The following PTDSS2 variants were observed in gnomAD, a reference collection of about 807,000 sequenced individuals.
The protein encoded by PTDSS2 is phosphatidylserine synthase 2.
A neutral mutation model predicts 64.7 loss-of-function variants in PTDSS2; 41 were observed. That is an observed-to-expected ratio of 0.63 (90% CI 0.49 to 0.82). The LOEUF (loss-of-function observed/expected upper bound fraction) is 0.82. Among genes scored for constraint, PTDSS2 ranks in the 40% least tolerant of loss-of-function variants. The pLI is 0.00. For synonymous variants in PTDSS2, 297 were observed against 277.8 expected (o/e 1.07, Z -0.69); for missense variants, 485 against 650.0 (o/e 0.75, Z 2.76).
intron 4 of PTDSS2, among the ~76,000 whole-genome samples, chr11:484,193 T>G (rs1218573079): frequency 2.0e-5 from 3 of 152,214 alleles, no homozygotes; most frequent in African/African-American, 7.2e-5. Flanking sequence ...CAAATTCTTT[T>G]GCCAAAAGGA....
chr11:468,087 C>T (rs1483736593), intron 2 of PTDSS2, among the ~76,000 whole-genome samples: 2 of 152,098 alleles, frequency 1.3e-5, no homozygotes, highest in African/African-American at 2.4e-5. Context: ...TGTGATTGAG[C>T]CACTGCACTG....
intron 1 of PTDSS2, among the ~76,000 whole-genome samples, chr11:458,480 T>C (rs544486268): frequency 1.1e-4 from 17 of 150,648 alleles, no homozygotes; most frequent in South Asian, 8.4e-4. Flanking sequence ...GCTGGGATTA[T>C]AGGCGTGAGC....
rs909893478 is a variant in PTDSS2 at position 479,569 on chromosome 11, G to A, written c.435+417G>A. ...GGACTGGGCGTGAAGGGAGCCGCAA[G>A]TCAGGTCCTGCGATGCAGGCCAGCG... On this transcript the variant is annotated intron_variant, in intron 4 of 11. Transcript: ENST00000308020. The surrounding 1 kb of genome is among the most constrained non-coding windows in gnomAD (Gnocchi z 4.2). 1 of 233,084 alleles carries A rather than the reference G, an allele frequency of 4.3e-6. No homozygotes were observed. Among genetic ancestry groups the A allele is most frequent in the South Asian group, 5.7e-5 (1 of 17,420 alleles). The allele number at this position is 233,084 out of a possible 1,614,324, so 14.4% of individuals were successfully genotyped here. A position where few individuals can be genotyped will look rare whatever the true frequency, so the allele number is the denominator to read the frequency against.
At chr11:487,560 G>C in intron 6 of PTDSS2, 90 bp downstream of exon 6, 1 of 1,276,394 alleles carries the variant, frequency 7.8e-7, no homozygotes. Flanking sequence ...GTTGAGCTCA[G>C]GGTGCTCTGA....
At chr11:487,329 C>A in intron 5 of PTDSS2, 91 bp from the exon 6 acceptor site, 1 of 1,241,700 alleles carries the variant, frequency 8.1e-7, no homozygotes, top group Non-Finnish European at 1.2e-6. Flanking sequence ...CGGGGTCTGG[C>A]AGGTGCTGCT....
At chr11:480,222 A>G (rs939588138) in intron 4 of PTDSS2, 1 of 147,632 alleles carries the variant, frequency 6.8e-6, no homozygotes, top group African/African-American at 2.5e-5. Flanking sequence ...CGCCCTGCAC[A>G]GTGCCTCTGA....
chr11:488,359 C>T (rs1467589892), intron 7 of PTDSS2, 47 bp downstream of exon 7: 2 of 1,501,052 alleles, frequency 1.3e-6, no homozygotes, highest in Non-Finnish European at 1.8e-6. Flanking sequence ...GGCTGAGGGG[C>T]ATTCTCGGAA....
In PTDSS2 at chr11:490,444, G is replaced by A; in HGVS notation, c.1326G>A (p.Glu442=). ...GGGACATCACATTGAGGTACAAGGA[G>A]ACCCGGTGGCAGAAGTGGCAGAACA... is the stretch of plus-strand genomic sequence containing the variant. ...FLRDITLRYK[E]TRWQKWQNKD... The change falls in exon 12 of 12, where the codon GAG becomes GAA. Residue 442 remains glutamate, a synonymous_variant. Coordinates refer to ENST00000308020, the MANE Select transcript of PTDSS2 (RefSeq NM_030783.3). 3 of 1,613,262 alleles carry A rather than the reference G, an allele frequency of 1.9e-6. No individual in the cohort carries two copies. Among genetic ancestry groups the A allele is most frequent in the East Asian group, 2.2e-5 (1 of 44,882 alleles).
In PTDSS2 at chr11:460,403, G is replaced by A. The variant is rs573931612; in HGVS notation, c.284+115G>A. ...CAGAAGGCCTTCACCAGAGGGCTGCGTGGGGCCGCCGGCCTCTCCCTTGAG... is the reference window on the plus strand; with the variant it reads ...CAGAAGGCCTTCACCAGAGGGCTGCATGGGGCCGCCGGCCTCTCCCTTGAG... On this transcript the variant is annotated intron_variant, in intron 2 of 11. Coordinates refer to ENST00000308020, the MANE Select transcript of PTDSS2 (RefSeq NM_030783.3). This position sits in a 1 kb window ranked among gnomAD's most constrained non-coding sequence, Gnocchi z 5.8. 1.4e-5 allele frequency: 11 copies of A among 790,906 alleles called. No homozygotes were observed. Among genetic ancestry groups the A allele is most frequent in the South Asian group, 3.1e-5 (2 of 63,756 alleles). 49.0% of individuals were successfully genotyped at this position (790,906 alleles called of 1,614,324 possible).
intron 3 of PTDSS2, among the ~76,000 whole-genome samples, chr11:477,904 C>T (rs966552793): frequency 4.6e-5 from 7 of 152,260 alleles, no homozygotes; most frequent in African/African-American, 1.7e-4. Flanking sequence ...TCTTGGGTCC[C>T]AGACCTCCCT....
intron 1 of PTDSS2, among the ~76,000 whole-genome samples, chr11:454,447 T>C (rs1846490431): frequency 6.6e-6 from 1 of 152,182 alleles, no homozygotes; most frequent in African/African-American, 2.4e-5. Flanking sequence ...AGCGTTTCCC[T>C]GGGCTACACA....
At chr11:450,237 G>A, upstream of PTDSS2, 1 of 374,804 alleles carries the variant, frequency 2.7e-6, no homozygotes, top group Non-Finnish European at 4.7e-6. Flanking sequence ...CCGCGACGTC[G>A]GACCACAAGG....
chr11:472,637 C>A (rs1321367907), intron 2 of PTDSS2, among the ~76,000 whole-genome samples: 1 of 152,246 alleles, frequency 6.6e-6, no homozygotes, highest in Admixed American at 6.5e-5. Flanking sequence ...CTCCATCCTG[C>A]AAGCCTCGGG....
chr11:477,549 C>T (rs866912862), intron 3 of PTDSS2, among the ~76,000 whole-genome samples: 1 of 152,094 alleles, frequency 6.6e-6, no homozygotes, highest in African/African-American at 2.4e-5. Flanking sequence ...GAGAGGAGTC[C>T]GAGATGCCAC....
chr11:455,520 A>G (rs958865089), intron 1 of PTDSS2, among the ~76,000 whole-genome samples: 3 of 152,012 alleles, frequency 2.0e-5, no homozygotes, highest in Admixed American at 6.5e-5. Context: ...TGTTCCTCCT[A>G]CAAGGTGACC....
At chr11:487,199 G>A (rs1848433957) in intron 5 of PTDSS2, 126 bp downstream of exon 5, 1 of 1,071,054 alleles carries the variant, frequency 9.3e-7, no homozygotes, top group Middle Eastern at 3.0e-4. Flanking sequence ...GCAGAGATGT[G>A]CTGAGGCCCT....
upstream of PTDSS2, among the ~76,000 whole-genome samples, chr11:448,882 A>C (rs553367084): frequency 6.6e-6 from 1 of 152,306 alleles, no homozygotes; most frequent in African/African-American, 2.4e-5. Context: ...TGAGGTCAAT[A>C]TTACAGCACT....
intron 5 of PTDSS2, 141 bp from the exon 6 acceptor site, chr11:487,279 A>T: frequency 1.0e-6 from 1 of 974,574 alleles, no homozygotes; most frequent in Non-Finnish European, 1.6e-6. Context: ...CGTGGTCTCC[A>T]CAGGCCACGG....
chr11:483,426 CTGAGGGGAGAAGGTT>C (rs1391714904), intron 4 of PTDSS2, among the ~76,000 whole-genome samples: 2 of 152,022 alleles, frequency 1.3e-5, no homozygotes, highest in Admixed American at 6.6e-5. Flanking sequence ...GATCTCCCTA[CTGAGGGGAGAAGGTT>C]CTGTGAGTTT....
Sources: gnomAD v4.1 joint callset for allele counts (sites outside exome capture counted in the v4.1 genomes callset) on GRCh38, gnomAD v4.1.1 for gene constraint, Gnocchi (gnomAD v3.1) non-coding constraint, MANE v1.5 for transcripts, NCBI Gene and HGNC (gene_info 2026-07-23, HGNC 2026-07-21) for gene names.